Variants in AK9 observed in about 807,000 individuals in gnomAD.
The protein encoded by AK9 is adenylate kinase domain containing 1.
Under a neutral mutation model 239.6 loss-of-function variants are expected in AK9, and 191 were observed. The ratio of observed to expected loss-of-function variants is 0.80; its 90% CI spans 0.71 to 0.90. The LOEUF is 0.90. Ranked by LOEUF, AK9 falls within the 40% of genes least tolerant of loss-of-function variation. The pLI, the probability that AK9 is intolerant of heterozygous loss-of-function variation, is 0.00. For synonymous variants in AK9, 689 were observed against 721.0 expected, an observed-to-expected ratio of 0.96 and a Z score of 0.71; for missense variants, 1,995 against 2,214.7, an observed-to-expected ratio of 0.90 and a Z score of 1.99.
At chr6:109,645,264 C>T (rs922885021) in intron 8 of AK9, among the ~76,000 whole-genome samples, 3 of 152,204 alleles carry the variant, frequency 2.0e-5, no homozygotes, top group Non-Finnish European at 4.4e-5. Flanking sequence ...CATCACTTCA[C>T]CTGGGAAGCA....
chr6:109,564,813 T>C lies in AK9; in HGVS notation c.2377A>G (p.Thr793Ala). The C allele has an allele frequency of 3.2e-6, 5 of 1,547,220 alleles. No individual in the cohort carries two copies. Among genetic ancestry groups the C allele is most frequent in the South Asian group, 1.2e-5 (1 of 83,022 alleles). ...TCTTTGGATCCTTTTGGGATTTCTG[T>C]TTCCACTGTAGTTTCCTCGATAGGC... ...SEPIEETTVETEIPKGSKEGL... is the reference protein window; with the variant it reads ...SEPIEETTVEAEIPKGSKEGL... Residue 793 changes from threonine to alanine, a missense_variant, in exon 22 of 41, where the codon ACA becomes GCA. By Grantham distance (58) the Thr-to-Ala change is moderately conservative. This residue lies in a region of AK9 where 1,290 missense variants were observed against 1,392.7 expected (regional missense o/e 0.93). Coordinates refer to ENST00000424296, the MANE Select transcript of AK9 (RefSeq NM_001145128.3).
At chr6:109,658,254 T>C (rs1187677053) in intron 7 of AK9, among the ~76,000 whole-genome samples, 1 of 152,184 alleles carries the variant, frequency 6.6e-6, no homozygotes, top group South Asian at 2.1e-4. Flanking sequence ...GAAGCTACCA[T>C]TCTTCTCTCC....
intron 24 of AK9, among the ~76,000 whole-genome samples, chr6:109,559,458 T>C (rs1785461961): frequency 6.6e-6 from 1 of 152,222 alleles, no homozygotes; most frequent in Non-Finnish European, 1.5e-5. Flanking sequence ...TGAGCCACTG[T>C]GCCCGGCCTG....
chr6:109,549,587 T>C (rs1784045685), intron 25 of AK9: 1 of 152,180 alleles, frequency 6.6e-6, no homozygotes, highest in Non-Finnish European at 1.5e-5. Flanking sequence ...TTGACACAAG[T>C]CATTACTAAA....
intron 1 of AK9, among the ~76,000 whole-genome samples, chr6:109,679,710 G>A (rs1490647797): frequency 3.3e-5 from 5 of 152,098 alleles, no homozygotes; most frequent in South Asian, 2.1e-4. Flanking sequence ...GAGAGCTCCC[G>A]CTGGCATCTG....
At chr6:109,529,358 T>C (rs968221762) in intron 28 of AK9, among the ~76,000 whole-genome samples, 1 of 152,148 alleles carries the variant, frequency 6.6e-6, no homozygotes, top group African/African-American at 2.4e-5. Context: ...CTCATTTGTT[T>C]GTTTGGTTTT....
intron 36 of AK9, 84 bp downstream of exon 36, chr6:109,498,960 G>A: frequency 7.4e-6 from 9 of 1,208,398 alleles, no homozygotes; most frequent in Non-Finnish European, 8.7e-6. Context: ...CAAGTTTCTG[G>A]GTGCCTATCC....
Position 109,652,931 on chromosome 6 carries a change from G to GT in AK9, c.759+3824dup, listed in dbSNP as rs113501772. ...ATGGGCCAGATTTGTAAAAGTAGGT[G>GT]TTTTTTTTTTGTTTTTGAGACGGAG... On this transcript the variant is annotated intron_variant, in intron 8 of 40. Coordinates refer to ENST00000424296, the MANE Select transcript of AK9 (RefSeq NM_001145128.3). Among the ~76,000 whole-genome samples the GT allele has an allele frequency of 2.3e-3, 340 of 148,320 alleles. 1 individual carries two copies. Among genetic ancestry groups the GT allele is most frequent in the Middle Eastern group, 6.9e-3 (2 of 290 alleles).
At chr6:109,508,008 ATCT>A (rs1778289981) in intron 33 of AK9, among the ~76,000 whole-genome samples, 1 of 152,188 alleles carries the variant, frequency 6.6e-6, no homozygotes, top group Non-Finnish European at 1.5e-5. Flanking sequence ...TTGTCTATAA[ATCT>A]TCTTCCACCA....
At chr6:109,523,647 A>G (rs546339725) in intron 29 of AK9, among the ~76,000 whole-genome samples, 29 of 152,254 alleles carry the variant, frequency 1.9e-4, no homozygotes, top group Admixed American at 6.5e-4. Flanking sequence ...TAGAAAGCCA[A>G]CTGACTTTCT....
intron 25 of AK9, among the ~76,000 whole-genome samples, chr6:109,546,925 G>A (rs546271316): frequency 3.2e-4 from 48 of 152,292 alleles, no homozygotes; most frequent in Admixed American, 6.5e-4. Flanking sequence ...GTAGGGAAGG[G>A]AAATGTTTCT....
chr6:109,622,719 CATATT>C (rs1795031515), intron 12 of AK9, among the ~76,000 whole-genome samples: 1 of 149,248 alleles, frequency 6.7e-6, no homozygotes, highest in Admixed American at 6.7e-5. Context: ...ATATAACACA[CATATT>C]ATATATTATC....
At chr6:109,534,599 T>A (rs1332937398) in intron 27 of AK9, among the ~76,000 whole-genome samples, 2 of 151,254 alleles carry the variant, frequency 1.3e-5, no homozygotes, top group Non-Finnish European at 2.9e-5. Context: ...ATAATATATA[T>A]ATATATTTTT....
intron 28 of AK9, 60 bp downstream of exon 28, chr6:109,533,191 A>G (rs893256919): frequency 2.2e-6 from 3 of 1,342,668 alleles, no homozygotes; most frequent in Non-Finnish European, 3.0e-6. Context: ...ATCACTTTAT[A>G]ATAGATCACT....
chr6:109,548,011 A>G (rs778587165), intron 25 of AK9, among the ~76,000 whole-genome samples: 3 of 152,168 alleles, frequency 2.0e-5, no homozygotes, highest in African/African-American at 4.8e-5. Context: ...ACAGTGAGAT[A>G]TCATCTCACC....
intron 26 of AK9, among the ~76,000 whole-genome samples, chr6:109,544,935 C>T: frequency 6.6e-6 from 1 of 152,064 alleles, no homozygotes; most frequent in East Asian, 1.9e-4. Context: ...ATAAAACAGC[C>T]TTGTCAAGGA....
Position 109,514,352 on chromosome 6 carries a change from A to G in AK9, c.4151T>C (p.Leu1384Ser). Residue 1384 changes from leucine (L) to serine (S), a missense_variant, in exon 32 of 41, where the codon TTA becomes TCA. Transcript: ENST00000424296. ...PVIHRQYIYF[L>S]SSKETKEKFM... ...TTTTTCTTTTGTTTCTTTACTAGAT[A>G]AAAAATAAATATACTGACGATGGAT... is the stretch of plus-strand genomic sequence containing the variant. 1 of 1,551,230 alleles carries G rather than the reference A, an allele frequency of 6.4e-7. No individual in the cohort carries two copies. Among genetic ancestry groups the G allele is most frequent in the Non-Finnish European group, 8.7e-7 (1 of 1,146,706 alleles).
intron 38 of AK9, among the ~76,000 whole-genome samples, chr6:109,496,977 G>A (rs1777103646): frequency 6.6e-6 from 1 of 151,908 alleles, no homozygotes; most frequent in Non-Finnish European, 1.5e-5. Context: ...GGTCTTACTT[G>A]ACCTTCCACA....
intron 5 of AK9, among the ~76,000 whole-genome samples, chr6:109,664,247 G>T (rs1800851919): frequency 6.6e-6 from 1 of 152,060 alleles, no homozygotes; most frequent in Non-Finnish European, 1.5e-5. Flanking sequence ...TCTTATTAGT[G>T]TAAGAGAGTC....
Sources: allele counts gnomAD v4.1 joint callset (sites outside exome capture counted in the v4.1 genomes callset), GRCh38; gene constraint gnomAD v4.1.1; regional missense constraint gnomAD v4.1.1; transcripts MANE v1.5; gene names NCBI Gene and HGNC (gene_info 2026-07-23, HGNC 2026-07-21).